CPED1: variants seen among roughly 807,000 people sequenced by gnomAD.
CPED1 encodes cadherin-like and PC-esterase domain-containing protein 1.
In CPED1, 114 loss-of-function variants were observed where a neutral mutation model predicts 128.2. That is an observed-to-expected ratio of 0.89 (90% CI 0.76 to 1.04). CPED1 has a LOEUF of 1.04. Ranked by LOEUF, CPED1 falls within the 50% of genes least tolerant of loss-of-function variation. The pLI, the probability that CPED1 is intolerant of heterozygous loss-of-function variation, is 0.00. For missense variants in CPED1, 1,211 were observed against 1,207.1 expected, an observed-to-expected ratio of 1.00 and a Z score of -0.05; for synonymous variants, 462 against 426.7, an observed-to-expected ratio of 1.08 and a Z score of -1.02.
chr7:121,245,389 G>A (rs1798502795), intron 18 of CPED1, among the ~76,000 whole-genome samples: 1 of 152,058 alleles, frequency 6.6e-6, no homozygotes, highest in Non-Finnish European at 1.5e-5. Flanking sequence ...ATTGAGCATT[G>A]ATTTTGTGCA....
In CPED1 at chr7:121,046,959, AG is replaced by A. The variant is rs1793215655; in HGVS notation, c.508del (p.Glu170LysfsTer6). On this transcript the variant is annotated frameshift_variant, in exon 4 of 23. Transcript: ENST00000310396. LOFTEE classifies it high-confidence loss of function. ...KKAEGTPCIS[K>X]EVMCQLGLHQ... The stretch of plus-strand genomic sequence containing the variant: ...GCAGAAGGAACACCCTGTATATCCA[AG>A]GAAGTCATGTGCCAGTTAGGTTTAC... 6.2e-7 allele frequency: 1 copy of A among 1,612,970 alleles called. No homozygotes were observed. The highest frequency in any genetic ancestry group is 8.5e-7 in the Non-Finnish European group (1 of 1,179,232).
chr7:121,120,979 A>C (rs1370500164), intron 7 of CPED1, among the ~76,000 whole-genome samples: 5 of 150,342 alleles, frequency 3.3e-5, no homozygotes, highest in African/African-American at 9.7e-5. Context: ...AAAAAAAAAA[A>C]AAAAAAAACA....
chr7:121,019,170 T>C (rs1016662860), intron 3 of CPED1, among the ~76,000 whole-genome samples: 1 of 152,048 alleles, frequency 6.6e-6, no homozygotes, highest in Non-Finnish European at 1.5e-5. Flanking sequence ...GGGTGTTATG[T>C]CACCCCACCC....
intron 17 of CPED1, among the ~76,000 whole-genome samples, chr7:121,242,376 A>T (rs1239972319): frequency 6.6e-6 from 1 of 152,218 alleles, no homozygotes; most frequent in Non-Finnish European, 1.5e-5. Flanking sequence ...GTTGATGTTT[A>T]AATATGTTGA....
intron 13 of CPED1, among the ~76,000 whole-genome samples, chr7:121,134,935 A>G (rs1294438181): frequency 3.3e-5 from 5 of 152,052 alleles, no homozygotes; most frequent in Non-Finnish European, 4.4e-5. Flanking sequence ...TACATAAATT[A>G]TCAACAAATT....
chr7:121,032,968 T>C (rs142038885), intron 3 of CPED1, among the ~76,000 whole-genome samples: 63 of 152,284 alleles, frequency 4.1e-4, no homozygotes, highest in Middle Eastern at 3.4e-3. Context: ...CCTCTGTATC[T>C]AAAGCATACA....
intron 2 of CPED1, among the ~76,000 whole-genome samples, chr7:121,002,064 A>G (rs1355545239): frequency 6.6e-6 from 1 of 152,156 alleles, no homozygotes; most frequent in African/African-American, 2.4e-5. Context: ...TTTATAGTAT[A>G]GTGTGCTATA....
chr7:121,066,591 G>A (rs913134171), intron 5 of CPED1, among the ~76,000 whole-genome samples: 6 of 109,670 alleles, frequency 5.5e-5, no homozygotes, highest in Admixed American at 1.1e-4. Flanking sequence ...TTTATCTTTC[G>A]GTCAAAAACT....
chr7:121,118,633 G>T (rs900883962), intron 7 of CPED1, among the ~76,000 whole-genome samples: 3 of 151,712 alleles, frequency 2.0e-5, no homozygotes, highest in Admixed American at 1.3e-4. Flanking sequence ...GGTCATTCTT[G>T]TGTTGCTGTG....
At chr7:121,066,908 G>T (rs544306357) in intron 5 of CPED1, among the ~76,000 whole-genome samples, 1 of 152,250 alleles carries the variant, frequency 6.6e-6, no homozygotes, top group South Asian at 2.1e-4. Flanking sequence ...TCCGTGGAAT[G>T]AAGTGATATG....
intron 15 of CPED1, among the ~76,000 whole-genome samples, chr7:121,141,443 A>G (rs1584542724): frequency 6.6e-6 from 1 of 151,994 alleles, no homozygotes; most frequent in South Asian, 2.1e-4. Flanking sequence ...TTTGTTCATA[A>G]TTTTAAAAAG....
chr7:121,050,754 G>A (rs1314072671), intron 4 of CPED1: 7 of 453,158 alleles, frequency 1.5e-5, no homozygotes, highest in East Asian at 6.9e-5. Flanking sequence ...GTGAGCCACC[G>A]TGCCCGGCCA....
intron 16 of CPED1, among the ~76,000 whole-genome samples, chr7:121,147,632 A>T (rs1386811616): frequency 6.6e-6 from 1 of 152,078 alleles, no homozygotes; most frequent in Non-Finnish European, 1.5e-5. Context: ...TGTATAGATG[A>T]TCTATGGTAT....
chr7:121,265,742 A>G (rs1417886837), intron 18 of CPED1, among the ~76,000 whole-genome samples: 1 of 152,020 alleles, frequency 6.6e-6, no homozygotes, highest in African/African-American at 2.4e-5. Context: ...ACCCTAGGAC[A>G]TGCACCGCTG....
rs577939054 is a variant in CPED1, at chr7:121,193,867, A to T, written c.2056-42847A>T. Among the ~76,000 whole-genome samples the T allele has an allele frequency of 1.2e-4, 18 of 151,958 alleles. No individual in the cohort carries two copies. The South Asian group carries it at 3.7e-3, about 32-fold the overall frequency. On this transcript the variant is annotated intron_variant, in intron 16 of 22. Coordinates refer to ENST00000310396, the MANE Select transcript of CPED1 (RefSeq NM_024913.5). ...CAGGTGTAAGATTAAGACATGCCTA[A>T]TAGAAAATCTCAGAAATAAATCAGA... is the stretch of plus-strand genomic sequence containing the variant.
chr7:121,283,440 A>G (rs1000598112), intron 22 of CPED1, among the ~76,000 whole-genome samples: 2 of 152,250 alleles, frequency 1.3e-5, no homozygotes, highest in African/African-American at 2.4e-5. Context: ...AAGACAAAAT[A>G]TACTTGCCAG....
At chr7:121,286,467 G>A (rs1433139119) in intron 22 of CPED1, among the ~76,000 whole-genome samples, 1 of 152,214 alleles carries the variant, frequency 6.6e-6, no homozygotes, top group East Asian at 1.9e-4. Context: ...AGAGGCCTAT[G>A]TATTACTGAA....
At chr7:121,129,396 A>G (rs1795607856) in intron 11 of CPED1, among the ~76,000 whole-genome samples, 1 of 148,230 alleles carries the variant, frequency 6.7e-6, no homozygotes, top group Non-Finnish European at 1.5e-5. Context: ...TACTAAGTTA[A>G]TTAATGAGTG....
intron 22 of CPED1, among the ~76,000 whole-genome samples, chr7:121,295,172 CACA>C (rs1792798187): frequency 1.3e-5 from 2 of 151,400 alleles, no homozygotes; most frequent in Admixed American, 1.3e-4. Context: ...CACACACACA[CACA>C]AAGACTAGAA....
Sources: allele counts gnomAD v4.1 joint callset (sites outside exome capture counted in the v4.1 genomes callset), GRCh38; gene constraint gnomAD v4.1.1; transcripts MANE v1.5; gene names NCBI Gene and HGNC (gene_info 2026-07-23, HGNC 2026-07-21).